SYNDIG1L: variants seen among roughly 807,000 people sequenced by gnomAD.
SYNDIG1L encodes the protein synapse differentiation inducing 1 like.
In SYNDIG1L, 13 loss-of-function variants were observed where a neutral mutation model predicts 20.1. The ratio of observed to expected loss-of-function variants is 0.65; its 90% CI spans 0.42 to 1.03. The LOEUF (loss-of-function observed/expected upper bound fraction) is 1.03, where lower values mean the gene tolerates loss of function less well. Among genes scored for constraint, SYNDIG1L ranks in the 50% least tolerant of loss-of-function variants. SYNDIG1L has a pLI of 0.00. For missense variants in SYNDIG1L, 294 were observed against 305.1 expected (o/e 0.96, Z 0.27); for synonymous variants, 128 against 129.3 (o/e 0.99, Z 0.07).
chr14:74,479,888 T>A, the SYNDIG1L span: 1 of 996,320 alleles, frequency 1.0e-6, no homozygotes, highest in South Asian at 1.8e-5. Context: ...CTGCCTTCCA[T>A]GGTTCTAGCA....
the SYNDIG1L span, among the ~76,000 whole-genome samples, chr14:74,436,804 C>T: frequency 6.3e-5 from 9 of 142,322 alleles, no homozygotes; most frequent in African/African-American, 2.4e-4. Context: ...GAGCCAAGAT[C>T]ATGCCATTGC....
At chr14:74,454,745 C>T in the SYNDIG1L span, among the ~76,000 whole-genome samples, 10 of 152,316 alleles carry the variant, frequency 6.6e-5, no homozygotes, top group South Asian at 6.2e-4. Context: ...TGTTCTCCCC[C>T]GGGGCTCTGC....
At chr14:74,476,647 C>T in the SYNDIG1L span, 10 of 1,377,488 alleles carry the variant, frequency 7.3e-6, no homozygotes, top group African/African-American at 1.0e-4. Flanking sequence ...AGGAGCTGGC[C>T]GGATCCACTC....
At chr14:74,463,018 T>C in the SYNDIG1L span, among the ~76,000 whole-genome samples, 4,422 of 152,196 alleles carry the variant, frequency 0.029, 120 homozygotes, top group African/African-American at 0.069. Context: ...TGTCGGATCA[T>C]GGGGGACATT....
chr14:74,408,704 A>G (rs1017260155), intron 2 of SYNDIG1L, among the ~76,000 whole-genome samples: 6 of 152,220 alleles, frequency 3.9e-5, no homozygotes, highest in Non-Finnish European at 7.3e-5. Flanking sequence ...ACATGGAGCA[A>G]TACTAAAATA....
upstream of SYNDIG1L, among the ~76,000 whole-genome samples, chr14:74,427,263 G>C (rs1885524251): frequency 6.6e-6 from 1 of 152,036 alleles, no homozygotes; most frequent in South Asian, 2.1e-4. Context: ...TTTTCTGAAG[G>C]TAAGTGTGGG....
At chr14:74,476,868 C>T in the SYNDIG1L span, among the ~76,000 whole-genome samples, 5 of 152,072 alleles carry the variant, frequency 3.3e-5, no homozygotes, top group East Asian at 1.9e-4. Context: ...GTAAGTGAAT[C>T]GGATTCAGTT....
At chr14:74,416,603 C>T (rs576043034) in intron 1 of SYNDIG1L, among the ~76,000 whole-genome samples, 10 of 152,344 alleles carry the variant, frequency 6.6e-5, no homozygotes, top group African/African-American at 2.4e-4. Context: ...CACTGCACTG[C>T]AGCCTGGGCA....
the SYNDIG1L span, among the ~76,000 whole-genome samples, chr14:74,451,377 T>C: frequency 6.6e-6 from 1 of 152,190 alleles, no homozygotes; most frequent in Non-Finnish European, 1.5e-5. Flanking sequence ...AATAAAGACA[T>C]ACAAATGTTC....
chr14:74,467,442 A>G, the SYNDIG1L span, among the ~76,000 whole-genome samples: 1 of 152,114 alleles, frequency 6.6e-6, no homozygotes, highest in Non-Finnish European at 1.5e-5. Context: ...TTTCAGCCCC[A>G]GGAGAGGGGG....
chr14:74,457,912 C>T, the SYNDIG1L span, among the ~76,000 whole-genome samples: 1 of 152,096 alleles, frequency 6.6e-6, no homozygotes, highest in Non-Finnish European at 1.5e-5. Context: ...ATTCTCCCAC[C>T]CCAGCCTCCT....
At chr14:74,420,031 G>A (rs1270973536) in intron 1 of SYNDIG1L, among the ~76,000 whole-genome samples, 2 of 152,098 alleles carry the variant, frequency 1.3e-5, no homozygotes, top group Non-Finnish European at 2.9e-5. Flanking sequence ...TCTGATGGGC[G>A]GCAGGGGATA....
At position 74,407,151 on chromosome 14, in the gene SYNDIG1L, C is replaced by T; in HGVS notation, c.*384G>A. ...GTGCTCTGGGCACCCCCTTTTCTCC[C>T]TGTAACCTCCTGCTCTTTCTCTGTG... On this transcript the variant is annotated 3_prime_UTR_variant, in exon 4 of 4. Coordinates refer to ENST00000331628, the MANE Select transcript of SYNDIG1L (RefSeq NM_001105579.2). 3.9e-6 allele frequency: 1 copy of T among 259,224 alleles called. No individual in the cohort carries two copies. The highest frequency in any genetic ancestry group is 7.5e-6 in the Non-Finnish European group (1 of 134,006). The allele number at this position is 259,224 out of a possible 1,614,324, so 16.1% of individuals were successfully genotyped here.
At chr14:74,454,483 CTGGCTCTAG>C in the SYNDIG1L span, among the ~76,000 whole-genome samples, 1 of 152,204 alleles carries the variant, frequency 6.6e-6, no homozygotes, top group Non-Finnish European at 1.5e-5. Flanking sequence ...AGGTGACTGC[CTGGCTCTAG>C]TGGCCAGAGA....
the SYNDIG1L span, among the ~76,000 whole-genome samples, chr14:74,433,553 T>G: frequency 3.9e-5 from 6 of 152,192 alleles, no homozygotes; most frequent in Non-Finnish European, 5.9e-5. Context: ...CCTGGCTAAT[T>G]TTTTGTATTT....
the SYNDIG1L span, among the ~76,000 whole-genome samples, chr14:74,449,749 TAAAAGC>T: frequency 2.5e-3 from 385 of 152,166 alleles, no homozygotes; most frequent in Non-Finnish European, 4.0e-3. Context: ...AAGCAGTTCT[TAAAAGC>T]AAATTTATAG....
the SYNDIG1L span, among the ~76,000 whole-genome samples, chr14:74,436,623 C>A: frequency 7.3e-4 from 111 of 151,846 alleles, no homozygotes; most frequent in African/African-American, 2.5e-3. Flanking sequence ...CCGAGGCGGG[C>A]GGATCTTCTG....
chr14:74,447,000 G>A, the SYNDIG1L span, among the ~76,000 whole-genome samples: 1 of 152,230 alleles, frequency 6.6e-6, no homozygotes, highest in Non-Finnish European at 1.5e-5. Flanking sequence ...CAGCATTTTG[G>A]GAGGCCCAAG....
chr14:74,418,008 G>A (rs2086190652), intron 1 of SYNDIG1L, among the ~76,000 whole-genome samples: 1 of 152,188 alleles, frequency 6.6e-6, no homozygotes, highest in Non-Finnish European at 1.5e-5. Flanking sequence ...TAAACTGAGA[G>A]ATAAAAACCA....
Sources: allele counts gnomAD v4.1 joint callset (sites outside exome capture counted in the v4.1 genomes callset), GRCh38; gene constraint gnomAD v4.1.1; transcripts MANE v1.5; gene names NCBI Gene and HGNC (gene_info 2026-07-23, HGNC 2026-07-21).